MIGA1: variants seen among roughly 807,000 people sequenced by gnomAD.
MIGA1 encodes the protein family with sequence similarity 73, member A.
In MIGA1, 58 loss-of-function variants were observed where a neutral mutation model predicts 82.0. That is an observed-to-expected ratio of 0.71 (90% confidence interval 0.57 to 0.88). The LOEUF (loss-of-function observed/expected upper bound fraction) is 0.88, where lower values mean the gene tolerates loss of function less well. MIGA1 is among the 40% of genes least tolerant of loss of function. The pLI is 0.00. For synonymous variants in MIGA1, 249 were observed against 253.6 expected, an observed-to-expected ratio of 0.98 and a Z score of 0.17; for missense variants, 751 against 749.1, an observed-to-expected ratio of 1.00 and a Z score of -0.03.
At chr1:77,803,110 T>C (rs1253913744) in intron 3 of MIGA1, among the ~76,000 whole-genome samples, 160 bp from the exon 4 acceptor site, 1 of 152,176 alleles carries the variant, frequency 6.6e-6, no homozygotes, top group Non-Finnish European at 1.5e-5. Context: ...AAGATTTAGA[T>C]TTTAATAATG....
intron 2 of MIGA1, among the ~76,000 whole-genome samples, chr1:77,797,613 C>G (rs1036217283): frequency 1.3e-5 from 2 of 152,066 alleles, no homozygotes; most frequent in African/African-American, 2.4e-5. Flanking sequence ...TATGATGTCT[C>G]TCTCCTTTTA....
chr1:77,781,651 T>A (rs1681921286), intron 1 of MIGA1, among the ~76,000 whole-genome samples: 1 of 152,218 alleles, frequency 6.6e-6, no homozygotes, highest in South Asian at 2.1e-4. Context: ...TACTTTTTAA[T>A]CATATGTCTC....
intron 5 of MIGA1, among the ~76,000 whole-genome samples, chr1:77,812,923 G>C (rs1467103491): frequency 6.6e-6 from 1 of 152,044 alleles, no homozygotes; most frequent in Non-Finnish European, 1.5e-5. Context: ...ACCCTTTAAG[G>C]GACAAAAGGT....
At chr1:77,852,286 A>G (rs900533721) in intron 8 of MIGA1, among the ~76,000 whole-genome samples, 11 of 152,172 alleles carry the variant, frequency 7.2e-5, no homozygotes, top group Non-Finnish European at 1.0e-4. Context: ...AAAAATTTAA[A>G]CTGTTTAATA....
chr1:77,784,238 TTTA>T (rs1399201159), intron 2 of MIGA1, among the ~76,000 whole-genome samples: 3 of 152,062 alleles, frequency 2.0e-5, no homozygotes, highest in Non-Finnish European at 2.9e-5. Context: ...TATTTATTTA[TTTA>T]TTATTATTTT....
chr1:77,847,225 T>C, intron 8 of MIGA1: 2 of 1,127,692 alleles, frequency 1.8e-6, no homozygotes, highest in Non-Finnish European at 2.7e-6. Flanking sequence ...TGATGAGACC[T>C]CCATGAGTGA....
At chr1:77,836,664 A>G (rs546319528) in intron 7 of MIGA1, among the ~76,000 whole-genome samples, 1 of 152,358 alleles carries the variant, frequency 6.6e-6, no homozygotes, top group East Asian at 1.9e-4. Flanking sequence ...CAGTTTACGT[A>G]GGTGGTAAGT....
chr1:77,796,663 C>G (rs1392412790), intron 2 of MIGA1, among the ~76,000 whole-genome samples: 1 of 152,220 alleles, frequency 6.6e-6, no homozygotes, highest in Non-Finnish European at 1.5e-5. Context: ...TGTAGTCTTA[C>G]AATATCCAGG....
Position 77,877,946 on chromosome 1 carries a change from G to T in MIGA1, c.*2882G>T, listed in dbSNP as rs1646906556. 1 of 152,408 alleles carries T rather than the reference G, an allele frequency of 6.6e-6. No individual in the cohort carries two copies. The highest frequency in any genetic ancestry group is 6.5e-5 in the Admixed American group (1 of 15,282). 9.4% of individuals were successfully genotyped at this position (152,408 alleles called of 1,614,324 possible). Reference sequence around the variant, plus strand: ...GTAGCTGCTACTTTAGCAAGATGTGGCCTTTCACAAAAGAGGTAAGAGTGA... The same window carrying T: ...GTAGCTGCTACTTTAGCAAGATGTGTCCTTTCACAAAAGAGGTAAGAGTGA... On this transcript the variant is annotated 3_prime_UTR_variant, in exon 16 of 16. Transcript: ENST00000370791.
intron 8 of MIGA1, among the ~76,000 whole-genome samples, chr1:77,850,673 T>C (rs1291250216): frequency 6.6e-6 from 1 of 152,196 alleles, no homozygotes; most frequent in Non-Finnish European, 1.5e-5. Context: ...AGTCATTACA[T>C]GCCAAGGAGG....
chr1:77,804,241 C>T (rs1683000553), intron 4 of MIGA1, among the ~76,000 whole-genome samples: 1 of 152,092 alleles, frequency 6.6e-6, no homozygotes, highest in African/African-American at 2.4e-5. Flanking sequence ...TTCTTTGAAT[C>T]ATTAATACAG....
chr1:77,800,181 C>G (rs1161074149), intron 2 of MIGA1, among the ~76,000 whole-genome samples: 1 of 152,124 alleles, frequency 6.6e-6, no homozygotes, highest in Non-Finnish European at 1.5e-5. Flanking sequence ...TTGTAGGACT[C>G]TTTCAGTATT....
chr1:77,864,317 T>C (rs938652299), intron 13 of MIGA1, among the ~76,000 whole-genome samples: 2 of 149,664 alleles, frequency 1.3e-5, no homozygotes, highest in Non-Finnish European at 3.0e-5. Context: ...GAGCTGAGAT[T>C]GAGCCATTGC....
chr1:77,803,546 A>C, intron 4 of MIGA1, 140 bp downstream of exon 4: 1 of 406,564 alleles, frequency 2.5e-6, no homozygotes, highest in African/African-American at 2.1e-5. Flanking sequence ...TCTTTAGGCA[A>C]GTAAAATACC....
At chr1:77,813,695 A>G (rs757438495) in intron 5 of MIGA1, 39 bp from the exon 6 acceptor site, 2 of 1,602,726 alleles carry the variant, frequency 1.2e-6, no homozygotes, top group South Asian at 1.1e-5. Context: ...TTTGGCATTG[A>G]TTTTGCTCAG....
At position 77,876,353 on chromosome 1, in the gene MIGA1, T is replaced by C. The variant is rs543418267; in HGVS notation, c.*1289T>C. The C allele has an allele frequency of 6.6e-6, 1 of 152,312 alleles. No individual in the cohort carries two copies. Among genetic ancestry groups the C allele is most frequent in the South Asian group, 2.1e-4 (1 of 4,820 alleles). 9.4% of individuals were successfully genotyped at this position (152,312 alleles called of 1,614,324 possible). On this transcript the variant is annotated 3_prime_UTR_variant, in exon 16 of 16. Transcript: ENST00000370791. ...AATACAGCATTTAAATGAATTGACA[T>C]TGAGAAATTTACAATTTACAAATTT...
intron 5 of MIGA1, among the ~76,000 whole-genome samples, chr1:77,809,106 A>AC (rs1683214524): frequency 6.6e-6 from 1 of 151,072 alleles, no homozygotes; most frequent in Non-Finnish European, 1.5e-5. Flanking sequence ...CCGTTTTCTT[A>AC]AAACAACAAC....
At chr1:77,827,845 A>G (rs922460831) in intron 7 of MIGA1, among the ~76,000 whole-genome samples, 3 of 152,168 alleles carry the variant, frequency 2.0e-5, no homozygotes, top group Admixed American at 6.6e-5. Flanking sequence ...GTAAAACCAG[A>G]ATAGCTGCTT....
In MIGA1 at chr1:77,876,477, A is replaced by C. The variant is rs1474573260; in HGVS notation, c.*1413A>C. 1.3e-5 allele frequency: 2 copies of C among 152,224 alleles called. No individual in the cohort carries two copies. The highest frequency in any genetic ancestry group is 2.9e-5 in the Non-Finnish European group (2 of 68,038). The allele number at this position is 152,224 out of a possible 1,614,324, so 9.4% of individuals were successfully genotyped here. The stretch of plus-strand genomic sequence containing the variant: ...TATACATTAGAGCATTTTCCCCTGG[A>C]ATGAGTATTGATTAAAAAGATAACA... On this transcript the variant is annotated 3_prime_UTR_variant, in exon 16 of 16. Coordinates refer to ENST00000370791, the MANE Select transcript of MIGA1 (RefSeq NM_198549.4).
Sources: allele counts gnomAD v4.1 joint callset (sites outside exome capture counted in the v4.1 genomes callset), GRCh38; gene constraint gnomAD v4.1.1; transcripts MANE v1.5; gene names NCBI Gene and HGNC (gene_info 2026-07-23, HGNC 2026-07-21).